The following UMODL1 variants were observed in gnomAD, a reference collection of about 807,000 sequenced individuals.
UMODL1 encodes uromodulin like 1, also known as uromodulin-like 1.
UMODL1 carries 128 observed loss-of-function variants against 136.3 expected under a neutral mutation model. The ratio of observed to expected loss-of-function variants is 0.94; its 90% CI spans 0.81 to 1.09. The LOEUF (loss-of-function observed/expected upper bound fraction) is 1.09. UMODL1 is among the 50% of genes least tolerant of loss of function. The probability of loss-of-function intolerance (pLI) is 0.00; values close to 1 mark genes in which losing one functional copy is unlikely to be tolerated. For missense variants in UMODL1, 1,766 were observed against 1,725.6 expected (o/e 1.02, Z -0.41); for synonymous variants, 721 against 720.0 (o/e 1.00, Z -0.02).
chr21:42,140,760 G>A (rs1213249622), intron 22 of UMODL1, among the ~76,000 whole-genome samples: 1 of 152,184 alleles, frequency 6.6e-6, no homozygotes, highest in African/African-American at 2.4e-5. Context: ...CGGGAGGCAG[G>A]TGCTGCTGCT....
intron 2 of UMODL1, among the ~76,000 whole-genome samples, chr21:42,079,858 A>G (rs1042405378): frequency 6.6e-6 from 1 of 152,162 alleles, no homozygotes; most frequent in Non-Finnish European, 1.5e-5. Flanking sequence ...ACTTTAGTAT[A>G]AGGGAGTTTG....
rs376959250 is a variant in UMODL1 at position 42,133,568 on chromosome 21, T to C, written c.3775+3771T>C. ...GGTGGCTTGAACAACAGAAATCTGT[T>C]CTCTCTCAGTTCTGGAGGCCAGAAG... is the stretch of plus-strand genomic sequence containing the variant. On this transcript the variant is annotated intron_variant, in intron 21 of 22. Coordinates refer to ENST00000408910, the MANE Select transcript of UMODL1 (RefSeq NM_001004416.3). Among the ~76,000 whole-genome samples, 818 of 152,282 alleles carry C rather than the reference T, an allele frequency of 5.4e-3. 4 individuals are homozygous for C. The highest frequency in any genetic ancestry group is 0.014 in the Middle Eastern group (4 of 294).
intron 6 of UMODL1, among the ~76,000 whole-genome samples, chr21:42,092,577 G>A (rs112677396): frequency 9.8e-5 from 15 of 152,328 alleles, no homozygotes; most frequent in African/African-American, 3.6e-4. Context: ...CCTCACGGGA[G>A]CACTTCTGTT....
intron 22 of UMODL1, 70 bp downstream of exon 22, chr21:42,137,711 G>C (rs2067226946): frequency 1.1e-6 from 1 of 904,034 alleles, no homozygotes; most frequent in Admixed American, 2.8e-5. Context: ...GGGAGGTGCA[G>C]GCTGACAGGA....
chr21:42,105,387 G>A (rs2066700860), intron 9 of UMODL1, among the ~76,000 whole-genome samples: 1 of 152,146 alleles, frequency 6.6e-6, no homozygotes, highest in African/African-American at 2.4e-5. Context: ...CCATCCTCTG[G>A]GACTAGGGCT....
intron 6 of UMODL1, among the ~76,000 whole-genome samples, chr21:42,092,399 T>TG (rs1416869940): frequency 6.6e-6 from 1 of 151,802 alleles, no homozygotes; most frequent in Non-Finnish European, 1.5e-5. Flanking sequence ...TTTTGTTTTT[T>TG]TTTTTAAACC....
At chr21:42,129,382 T>C (rs940281808) in intron 20 of UMODL1, among the ~76,000 whole-genome samples, 3 of 152,310 alleles carry the variant, frequency 2.0e-5, no homozygotes, top group African/African-American at 7.2e-5. Flanking sequence ...AGAGGGACTC[T>C]GAGGGCTGTG....
At chr21:42,106,703 C>T (rs530442327) in intron 9 of UMODL1, among the ~76,000 whole-genome samples, 60 of 152,302 alleles carry the variant, frequency 3.9e-4, no homozygotes, top group East Asian at 1.7e-3. Flanking sequence ...ACCCTCACAG[C>T]GGCGGCCAAA....
At chr21:42,071,502 CTTGG>C in intron 1 of UMODL1, 110 bp downstream of exon 1, 11 of 1,108,776 alleles carry the variant, frequency 9.9e-6, no homozygotes, top group Non-Finnish European at 1.3e-5. Context: ...GACGCCTCTG[CTTGG>C]AGAGGCGACA....
At chr21:42,108,551 G>A (rs2066757630) in intron 9 of UMODL1, 6 of 341,738 alleles carry the variant, frequency 1.8e-5, no homozygotes, top group South Asian at 8.9e-5. Flanking sequence ...GTCCTGCATC[G>A]TGGCTTAAAT....
chr21:42,113,983 GT>G (rs2066872436), intron 13 of UMODL1, among the ~76,000 whole-genome samples, 153 bp downstream of exon 13: 1 of 152,252 alleles, frequency 6.6e-6, no homozygotes, highest in Non-Finnish European at 1.5e-5. Flanking sequence ...TTCAGCAGGC[GT>G]GCAATGACGG....
At chr21:42,130,243 T>C (rs8130212) in intron 21 of UMODL1, among the ~76,000 whole-genome samples, 3 of 147,886 alleles carry the variant, frequency 2.0e-5, no homozygotes, top group African/African-American at 8.0e-5. Context: ...TGTGTGTGTG[T>C]GTGCGTGCAC....
Position 42,137,547 on chromosome 21 carries a change from A to T in UMODL1, c.3884A>T (p.Tyr1295Phe). The T allele has an allele frequency of 6.2e-7, 1 of 1,614,192 alleles. No individual in the cohort carries two copies. The highest frequency in any genetic ancestry group is 8.5e-7 in the Non-Finnish European group (1 of 1,180,036). ...AGTATLLIVR[Y>F]QRMNGRYNFK... ...ACAGCCACCCTTCTGATCGTGCGCTACCAGAGAATGAATGGGAGATACAAC... is the reference window on the plus strand; with the variant it reads ...ACAGCCACCCTTCTGATCGTGCGCTTCCAGAGAATGAATGGGAGATACAAC... The change falls in exon 22 of 23, where the codon TAC (tyrosine) becomes TTC (phenylalanine). Residue 1295 changes from tyrosine to phenylalanine, a missense_variant. Tyr to Phe is a conservative substitution (Grantham distance 22, BLOSUM62 3). Coordinates refer to ENST00000408910, the MANE Select transcript of UMODL1 (RefSeq NM_001004416.3).
At chr21:42,127,342 C>T in intron 19 of UMODL1, 100 bp downstream of exon 19, 1 of 1,142,220 alleles carries the variant, frequency 8.8e-7, no homozygotes, top group Non-Finnish European at 1.3e-6. Flanking sequence ...CCAGCAATGC[C>T]CAGGGCTTCA....
At chr21:42,129,556 G>C (rs879620804) in intron 20 of UMODL1, among the ~76,000 whole-genome samples, 157 bp from the exon 21 acceptor site, 1 of 152,156 alleles carries the variant, frequency 6.6e-6, no homozygotes, top group African/African-American at 2.4e-5. Context: ...GGTCTCACCA[G>C]GTCTCCCACT....
At position 42,123,195 on chromosome 21, in the gene UMODL1, G is replaced by C; in HGVS notation, c.3147+45G>C. 1 of 1,563,226 alleles carries C rather than the reference G, an allele frequency of 6.4e-7. No homozygotes were observed. The highest frequency in any genetic ancestry group is 8.7e-7 in the Non-Finnish European group (1 of 1,151,292). ...GCTCAGGATGTACACTAGGGCGCAAGGGGCTCTAGGTTACATGGGCCTCGA... is the reference window on the plus strand; with the variant it reads ...GCTCAGGATGTACACTAGGGCGCAACGGGCTCTAGGTTACATGGGCCTCGA... On this transcript the variant is annotated intron_variant, in intron 17 of 22. Coordinates refer to ENST00000408910, the MANE Select transcript of UMODL1 (RefSeq NM_001004416.3). This position sits in a 1 kb window ranked among gnomAD's most constrained non-coding sequence, Gnocchi z 4.4.
intron 22 of UMODL1, among the ~76,000 whole-genome samples, chr21:42,138,010 C>T (rs73223553): frequency 0.027 from 4,057 of 152,044 alleles, 101 homozygotes; most frequent in Non-Finnish European, 0.038. Context: ...AAGGTTCGAT[C>T]GCTTCACACA....
intron 21 of UMODL1, among the ~76,000 whole-genome samples, chr21:42,132,911 A>T (rs973555000): frequency 1.3e-5 from 2 of 152,252 alleles, no homozygotes; most frequent in Non-Finnish European, 2.9e-5. Context: ...AGCCTGGCCC[A>T]TAGAAGTTAT....
chr21:42,107,618 G>T (rs1477442510), intron 9 of UMODL1, among the ~76,000 whole-genome samples: 1 of 152,200 alleles, frequency 6.6e-6, no homozygotes, highest in Non-Finnish European at 1.5e-5. Context: ...GAGGTGCTCT[G>T]TGCCCTCTTT....
Sources: allele counts gnomAD v4.1 joint callset (sites outside exome capture counted in the v4.1 genomes callset), GRCh38; gene constraint gnomAD v4.1.1; non-coding constraint Gnocchi (gnomAD v3.1); transcripts MANE v1.5; gene names NCBI Gene and HGNC (gene_info 2026-07-23, HGNC 2026-07-21).